The following FMR1 variants were observed in gnomAD, a reference collection of about 807,000 sequenced individuals.
FMR1 encodes fragile X messenger ribonucleoprotein 1, also known as FMRP translational regulator 1.
FMR1 carries 13 observed loss-of-function variants against 50.6 expected under a neutral mutation model. The observed-to-expected ratio is 0.26, with a 90% CI of 0.17 to 0.41. The LOEUF (loss-of-function observed/expected upper bound fraction) is 0.41, where lower values mean the gene tolerates loss of function less well. Ranked by LOEUF, FMR1 falls within the 10% of genes least tolerant of loss-of-function variation. The probability of loss-of-function intolerance (pLI) is 1.00; values close to 1 mark genes in which losing one functional copy is unlikely to be tolerated. For missense variants in FMR1, 316 were observed against 491.3 expected (o/e 0.64, Z 3.37); for synonymous variants, 138 against 164.1 (o/e 0.84, Z 1.22).
intron 1 of FMR1, among the ~76,000 whole-genome samples, chrX:147,919,520 A>G (rs2043051793): frequency 8.9e-6 from 1 of 112,668 alleles, no homozygotes. Flanking sequence ...TCATTTAAAT[A>G]TAGCTGAGTA....
At chrX:147,920,230 A>T (rs1557176153) in intron 1 of FMR1, among the ~76,000 whole-genome samples, 1 of 111,872 alleles carries the variant, frequency 8.9e-6, no homozygotes, top group Non-Finnish European at 1.9e-5. Flanking sequence ...TTCTTTTTGC[A>T]TGTGGGTGTC....
chrX:147,911,975 AGCGGGCGGCGGGCCGACGGCGAGC>A lies in FMR1; in HGVS notation c.-193_-170del, dbSNP rs1479828212. 2 of 99,682 alleles carry A rather than the reference AGCGGGCGGCGGGCCGACGGCGAGC, an allele frequency of 2.0e-5. No homozygotes were observed. The highest frequency in any genetic ancestry group is 7.3e-5 in the African/African-American group (2 of 27,378). 8.2% of individuals were successfully genotyped at this position (99,682 alleles called of 1,213,427 possible). On this transcript the variant is annotated 5_prime_UTR_variant, in exon 1 of 17. Transcript: ENST00000370475. ...CACTTCCGGTGGAGGGCCGCCTCTG[AGCGGGCGGCGGGCCGACGGCGAGC>A]GCGGGCGGCGGCGGTGACGGAGGCG...
intron 16 of FMR1, chrX:147,947,411 T>C (rs1158618185): frequency 7.2e-5 from 3 of 41,771 alleles, no homozygotes; most frequent in African/African-American, 3.2e-4. Flanking sequence ...AAACACCATC[T>C]CAAAAAAAAA....
chrX:147,932,413 A>G lies in FMR1; in HGVS notation c.631-12A>G, dbSNP rs372394999. 277 of 1,205,200 alleles carry G rather than the reference A, an allele frequency of 2.3e-4. No homozygotes were observed. The highest frequency in any genetic ancestry group is 2.9e-4 in the Non-Finnish European group (259 of 891,032). Reference sequence around the variant, plus strand: ...GATAAAGTGTATTCATCAGACGTCCATTTCTCTTCAGAGTTCAAGGCAGCT... The same window carrying G: ...GATAAAGTGTATTCATCAGACGTCCGTTTCTCTTCAGAGTTCAAGGCAGCT... On this transcript the variant is annotated splice_polypyrimidine_tract_variant and intron_variant, in intron 7 of 16. Coordinates refer to ENST00000370475, the MANE Select transcript of FMR1 (RefSeq NM_002024.6).
At chrX:147,943,021 A>G (rs782348003) in intron 13 of FMR1, 110 bp from the exon 14 acceptor site, 37 of 648,641 alleles carry the variant, frequency 5.7e-5, no homozygotes, top group Non-Finnish European at 8.5e-5. Flanking sequence ...CTGTAAATTT[A>G]GAACTGAAAT....
Position 147,949,085 on chromosome X carries a change from G to A in FMR1, c.*241G>A, listed in dbSNP as rs1557182817. On this transcript the variant is annotated 3_prime_UTR_variant, in exon 17 of 17. Transcript: ENST00000370475. Reference sequence around the variant, plus strand: ...TTTTAAAACTACTTAGCACTTCAGGGCAGATTTTAGTTTTATTTTCTAAAG... The same window carrying A: ...TTTTAAAACTACTTAGCACTTCAGGACAGATTTTAGTTTTATTTTCTAAAG... 2.1e-6 allele frequency: 1 copy of A among 471,284 alleles called. No individual in the cohort carries two copies. The highest frequency in any genetic ancestry group is 3.8e-6 in the Non-Finnish European group (1 of 260,886). 38.8% of individuals were successfully genotyped at this position (471,284 alleles called of 1,213,427 possible). A position where few individuals can be genotyped will look rare whatever the true frequency, so the allele number is the denominator to read the frequency against.
intron 14 of FMR1, 83 bp downstream of exon 14, chrX:147,943,409 T>C (rs2044070600): frequency 8.0e-6 from 7 of 873,292 alleles, no homozygotes; most frequent in South Asian, 2.1e-5. Context: ...TAGAACCCCA[T>C]TATAACAATT....
chrX:147,943,040 T>C (rs2044062543), intron 13 of FMR1, 91 bp from the exon 14 acceptor site: 1 of 730,250 alleles, frequency 1.4e-6, no homozygotes, highest in South Asian at 2.4e-5. Context: ...ATTGAAATAT[T>C]CCAGTATATT....
At chrX:147,927,342 C>T (rs782219926) in intron 3 of FMR1, among the ~76,000 whole-genome samples, 11 of 111,732 alleles carry the variant, frequency 9.8e-5, no homozygotes, top group African/African-American at 2.0e-4. Context: ...CACACCGATT[C>T]GTTGAGGTAA....
At position 147,928,945 on chromosome X, in the gene FMR1, T is replaced by TCTCCA. The variant is rs1557178111; in HGVS notation, c.419+138_419+139insCTCCA. 5 of 627,422 alleles carry TCTCCA rather than the reference T, an allele frequency of 8.0e-6. No homozygotes were observed. The African/African-American group carries it at 9.1e-5, about 11-fold the overall frequency. 51.7% of individuals were successfully genotyped at this position (627,422 alleles called of 1,213,427 possible). Reference sequence around the variant, plus strand: ...GTGGACTTTGGCAAAAATGGTTTGGTTTGCAAGAGCAATGGAGAAAAAACT... The same window carrying TCTCCA: ...GTGGACTTTGGCAAAAATGGTTTGGTCTCCATTGCAAGAGCAATGGAGAAAAAACT... On this transcript the variant is annotated intron_variant, in intron 5 of 16. Coordinates refer to ENST00000370475, the MANE Select transcript of FMR1 (RefSeq NM_002024.6).
intron 9 of FMR1, among the ~76,000 whole-genome samples, chrX:147,934,360 G>C (rs782705792): frequency 9.0e-6 from 1 of 110,753 alleles, no homozygotes; most frequent in African/African-American, 3.3e-5. Flanking sequence ...CAATGTGAGC[G>C]TGGGTCACTG....
intron 1 of FMR1, among the ~76,000 whole-genome samples, chrX:147,916,246 A>C (rs1376585289): frequency 8.9e-6 from 1 of 112,394 alleles, no homozygotes; most frequent in East Asian, 2.8e-4. Flanking sequence ...ATTAGTAACT[A>C]ATTTAATAAT....
Position 147,938,097 on chromosome X carries a change from AG to A in FMR1, c.1126del. 2 of 1,202,783 alleles carry A rather than the reference AG, an allele frequency of 1.7e-6. No individual in the cohort carries two copies. The highest frequency in any genetic ancestry group is 2.3e-6 in the Non-Finnish European group (2 of 887,107). ...TCCCTTGCATTCCTTATACTGCTTT[AG>A]GTGTTAGTGGCTTCATCAGTTGTAG... On this transcript the variant is annotated splice_acceptor_variant, in intron 11 of 16. Coordinates refer to ENST00000370475, the MANE Select transcript of FMR1 (RefSeq NM_002024.6). LOFTEE classifies it high-confidence loss of function.
chrX:147,937,339 A>G, intron 10 of FMR1, 127 bp from the exon 11 acceptor site: 1 of 485,037 alleles, frequency 2.1e-6, no homozygotes, highest in South Asian at 3.1e-5. Flanking sequence ...CGGTAATTTT[A>G]TAAACCAAAA....
At chrX:147,937,976 CTGTT>C in intron 11 of FMR1, 119 bp from the exon 12 acceptor site, 1 of 582,923 alleles carries the variant, frequency 1.7e-6, no homozygotes, top group South Asian at 2.3e-5. Flanking sequence ...CTAATTTTCT[CTGTT>C]TGAACTAATC....
At chrX:147,940,774 G>A in intron 13 of FMR1, 112 bp downstream of exon 13, 1 of 512,501 alleles carries the variant, frequency 2.0e-6, no homozygotes, top group Non-Finnish European at 3.5e-6. Context: ...AACACTGTAT[G>A]ACTTGTCAAA....
chrX:147,940,450 T>G (rs2043965240), intron 12 of FMR1, 126 bp from the exon 13 acceptor site: 1 of 541,631 alleles, frequency 1.8e-6, no homozygotes, highest in African/African-American at 2.3e-5. Context: ...TTGATTTATA[T>G]TTACAGCAAA....
At chrX:147,916,839 G>A (rs1557175329) in intron 1 of FMR1, among the ~76,000 whole-genome samples, 1 of 111,730 alleles carries the variant, frequency 9.0e-6, no homozygotes, top group Non-Finnish European at 1.9e-5. Flanking sequence ...TCGGGTTCAA[G>A]CCAGTCTCAT....
intron 7 of FMR1, among the ~76,000 whole-genome samples, chrX:147,932,108 G>T (rs782532707): frequency 7.2e-5 from 8 of 111,780 alleles, no homozygotes; most frequent in Admixed American, 2.8e-4. Context: ...CATTTGACCT[G>T]CTTCTTAGTT....
Sources: allele counts gnomAD v4.1 joint callset (sites outside exome capture counted in the v4.1 genomes callset), GRCh38; gene constraint gnomAD v4.1.1; transcripts MANE v1.5; gene names NCBI Gene and HGNC (gene_info 2026-07-23, HGNC 2026-07-21).